The following PTPRK variants were observed in gnomAD, a reference collection of about 807,000 sequenced individuals.
PTPRK encodes the protein protein tyrosine phosphatase receptor type K.
PTPRK carries 75 observed loss-of-function variants against 178.0 expected under a neutral mutation model. The ratio of observed to expected loss-of-function variants is 0.42; its 90% CI spans 0.35 to 0.51. The LOEUF (loss-of-function observed/expected upper bound fraction) is 0.51, where lower values mean the gene tolerates loss of function less well. Among genes scored for constraint, PTPRK ranks in the 20% least tolerant of loss-of-function variants. The pLI is 0.02. For synonymous variants in PTPRK, 637 were observed against 620.6 expected, an observed-to-expected ratio of 1.03 and a Z score of -0.39; for missense variants, 1,441 against 1,797.8, an observed-to-expected ratio of 0.80 and a Z score of 3.59.
At chr6:128,402,109 A>G (rs911869500) in intron 1 of PTPRK, among the ~76,000 whole-genome samples, 17 of 152,362 alleles carry the variant, frequency 1.1e-4, no homozygotes, top group African/African-American at 4.1e-4. Context: ...CATTACAAAA[A>G]AGCCAATATA....
In PTPRK at chr6:128,474,948, T is replaced by C. The variant is rs1851189378; in HGVS notation, c.100+45311A>G. ...TTATACCATAAAATGTGAAACAATCTCCTTTACACAGTGTGGCAAGGCAGG... is the reference window on the plus strand; with the variant it reads ...TTATACCATAAAATGTGAAACAATCCCCTTTACACAGTGTGGCAAGGCAGG... On this transcript the variant is annotated intron_variant, in intron 1 of 29. Transcript: ENST00000368226. Among the ~76,000 whole-genome samples, 4 of 152,252 alleles carry C rather than the reference T, an allele frequency of 2.6e-5. No homozygotes were observed. The South Asian group carries it at 8.3e-4, about 32-fold the overall frequency.
intron 1 of PTPRK, among the ~76,000 whole-genome samples, chr6:128,464,583 G>A (rs1389317619): frequency 7.4e-6 from 1 of 134,970 alleles, no homozygotes; most frequent in Non-Finnish European, 1.6e-5. Context: ...GCCATCTAAA[G>A]CCTTTATTTT....
chr6:128,119,272 T>A (rs1343137121), intron 7 of PTPRK, among the ~76,000 whole-genome samples: 1 of 151,142 alleles, frequency 6.6e-6, no homozygotes, highest in Non-Finnish European at 1.5e-5. Context: ...GTTTTTTGGT[T>A]TTTTTTTTAA....
rs183059397 is a variant in PTPRK, at chr6:128,447,913, C to T, written c.101-50225G>A. ...CTGGGATTACAGGTGTGAGCCACCG[C>T]GCCCGGCCCATTCTTCCTAAAGATA... is the stretch of plus-strand genomic sequence containing the variant. On this transcript the variant is annotated intron_variant, in intron 1 of 29. Coordinates refer to ENST00000368226, the MANE Select transcript of PTPRK (RefSeq NM_002844.4). Among the ~76,000 whole-genome samples, 224 of 152,184 alleles carry T rather than the reference C, an allele frequency of 1.5e-3. 1 individual carries two copies. Among genetic ancestry groups the T allele is most frequent in the African/African-American group, 5.0e-3 (209 of 41,516 alleles).
chr6:128,402,784 A>G (rs1183845428), intron 1 of PTPRK, among the ~76,000 whole-genome samples: 1 of 152,196 alleles, frequency 6.6e-6, no homozygotes, highest in East Asian at 1.9e-4. Context: ...AAGTAGATAC[A>G]AGTAACAAAT....
At chr6:128,492,010 C>T (rs1222779670) in intron 1 of PTPRK, among the ~76,000 whole-genome samples, 1 of 152,088 alleles carries the variant, frequency 6.6e-6, no homozygotes, top group African/African-American at 2.4e-5. Context: ...CTATCACTCC[C>T]CTGCCTATCT....
chr6:128,408,162 C>T lies in PTPRK; in HGVS notation c.101-10474G>A, dbSNP rs577170914. On this transcript the variant is annotated intron_variant, in intron 1 of 29. Transcript: ENST00000368226. ...CAGCACTTTGAGAGGCCAAGGCAGACGGATCACCTGAGGTCAGGAGTTCGA... is the reference window on the plus strand; with the variant it reads ...CAGCACTTTGAGAGGCCAAGGCAGATGGATCACCTGAGGTCAGGAGTTCGA... Among the ~76,000 whole-genome samples the T allele has an allele frequency of 1.4e-4, 21 of 152,194 alleles. No homozygotes were observed. In the East Asian group the frequency reaches 2.7e-3, roughly 20 times the overall value.
At chr6:128,396,359 T>C (rs1464143755) in intron 2 of PTPRK, among the ~76,000 whole-genome samples, 1 of 148,582 alleles carries the variant, frequency 6.7e-6, no homozygotes, top group Non-Finnish European at 1.5e-5. Context: ...TACATAACTA[T>C]ATATAATATA....
At position 128,240,119 on chromosome 6, in the gene PTPRK, A is replaced by G. The variant is rs1317372007; in HGVS notation, c.609T>C (p.Asp203=). The G allele has an allele frequency of 1.9e-6, 3 of 1,613,942 alleles. No homozygotes were observed. ...CGTTTTGCCCTGCATTCACCTCTAC[A>G]TCCCCTAGACGGAGGAAATGAGGAG... ...DKSPHFLRLG[D]VEVNAGQNAT... The change falls in exon 5 of 30, where the codon GAT becomes GAC. Residue 203 remains aspartate, a synonymous_variant. Transcript: ENST00000368226.
chr6:128,139,032 G>C (rs1583183334), intron 7 of PTPRK, among the ~76,000 whole-genome samples: 1 of 152,130 alleles, frequency 6.6e-6, no homozygotes, highest in Non-Finnish European at 1.5e-5. Flanking sequence ...TCAGAGTAGG[G>C]GAGAATAATG....
At chr6:128,492,051 C>T (rs1424464905) in intron 1 of PTPRK, among the ~76,000 whole-genome samples, 3 of 152,128 alleles carry the variant, frequency 2.0e-5, no homozygotes, top group African/African-American at 7.2e-5. Flanking sequence ...ATCAGGTTGC[C>T]TCCAAGATAA....
At chr6:128,205,025 A>G (rs186240216) in intron 6 of PTPRK, among the ~76,000 whole-genome samples, 7 of 152,302 alleles carry the variant, frequency 4.6e-5, no homozygotes, top group Admixed American at 1.3e-4. Flanking sequence ...ATGCCCATAA[A>G]TGACCCACTG....
At chr6:128,477,127 T>C (rs1584900119) in intron 1 of PTPRK, among the ~76,000 whole-genome samples, 1 of 152,184 alleles carries the variant, frequency 6.6e-6, no homozygotes, top group Non-Finnish European at 1.5e-5. Flanking sequence ...TTAGAAAAAG[T>C]AACAAATTTG....
At chr6:128,282,702 G>C (rs1001018155) in intron 3 of PTPRK, among the ~76,000 whole-genome samples, 11 of 152,074 alleles carry the variant, frequency 7.2e-5, no homozygotes, top group African/African-American at 2.7e-4. Flanking sequence ...GAGACAGCAT[G>C]GTCTAGTGAA....
At chr6:128,075,872 A>C (rs1783723868) in intron 11 of PTPRK, among the ~76,000 whole-genome samples, 1 of 152,018 alleles carries the variant, frequency 6.6e-6, no homozygotes, top group South Asian at 2.1e-4. Context: ...TAGATGGTGA[A>C]ATGCAAAATG....
At position 128,472,420 on chromosome 6, in the gene PTPRK, A is replaced by ACC. The variant is rs11299646; in HGVS notation, c.100+47837_100+47838dup. 6.5e-3 allele frequency among the ~76,000 whole-genome samples: 762 copies of ACC among 117,670 alleles called. 23 individuals carry two copies. In the East Asian group the frequency reaches 0.075, roughly 12 times the overall value. 77.2% of individuals were successfully genotyped at this position (117,670 alleles called of 152,430 possible). A position where few individuals can be genotyped will look rare whatever the true frequency, so the allele number is the denominator to read the frequency against. On this transcript the variant is annotated intron_variant, in intron 1 of 29. Transcript: ENST00000368226. The stretch of plus-strand genomic sequence containing the variant: ...TTAGGGAACTCCCTGAATTTTTGAC[A>ACC]CCCCCCCCCCCTTTAGCTTAGGGAA...
chr6:128,401,341 C>A (rs189108005), intron 1 of PTPRK, among the ~76,000 whole-genome samples: 1 of 152,304 alleles, frequency 6.6e-6, no homozygotes, highest in East Asian at 1.9e-4. Context: ...GTAAGTACCC[C>A]TGACCCCAAA....
chr6:128,047,226 T>C (rs1374418772), intron 13 of PTPRK, among the ~76,000 whole-genome samples: 1 of 152,160 alleles, frequency 6.6e-6, no homozygotes, highest in Non-Finnish European at 1.5e-5. Context: ...GGAATACATG[T>C]TTAAAGTGCA....
chr6:128,186,988 G>T (rs1308463435), intron 6 of PTPRK, among the ~76,000 whole-genome samples: 1 of 152,120 alleles, frequency 6.6e-6, no homozygotes, highest in Admixed American at 6.5e-5. Context: ...AAGTTGGAAA[G>T]AATGCTAAAT....
Sources: gnomAD v4.1 joint callset for allele counts (sites outside exome capture counted in the v4.1 genomes callset) on GRCh38, gnomAD v4.1.1 for gene constraint, MANE v1.5 for transcripts, NCBI Gene and HGNC (gene_info 2026-07-23, HGNC 2026-07-21) for gene names.